Variants in RPL5 observed in about 807,000 individuals in gnomAD.
RPL5 encodes ribosomal protein L5.
RPL5 carries 1 observed loss-of-function variant against 38.4 expected under a neutral mutation model. That is an observed-to-expected ratio of 0.03 (90% CI 0.01 to 0.12). The LOEUF (loss-of-function observed/expected upper bound fraction) is 0.12, where lower values mean the gene tolerates loss of function less well. Among genes scored for constraint, RPL5 ranks in the 10% least tolerant of loss-of-function variants. The pLI is 1.00. For missense variants in RPL5, 243 were observed against 374.1 expected, an observed-to-expected ratio of 0.65 and a Z score of 2.89; for synonymous variants, 109 against 121.2, an observed-to-expected ratio of 0.90 and a Z score of 0.66.
intron 7 of RPL5, 29 bp from the exon 8 acceptor site, chr1:92,841,737 T>A: frequency 6.8e-7 from 1 of 1,480,786 alleles, no homozygotes; most frequent in Non-Finnish European, 9.4e-7. Flanking sequence ...AGTTATAGTT[T>A]AAAAAATATA....
In RPL5 at chr1:92,841,750, T is replaced by C. The variant is rs1687373593; in HGVS notation, c.795-16T>C. On this transcript the variant is annotated splice_polypyrimidine_tract_variant and intron_variant, in intron 7 of 7. Coordinates refer to ENST00000370321, the MANE Select transcript of RPL5 (RefSeq NM_000969.5). ...TCAGTTATAGTTTAAAAAATATATA[T>C]TCCTATCTTTTGTAGGTGGAACCGT... 2 of 1,559,970 alleles carry C rather than the reference T, an allele frequency of 1.3e-6. No homozygotes were observed. The highest frequency in any genetic ancestry group is 2.7e-5 in the African/African-American group (2 of 73,732).
chr1:92,834,716 AATT>A, intron 3 of RPL5, 60 bp from the exon 4 acceptor site: 1 of 1,599,082 alleles, frequency 6.3e-7, no homozygotes, highest in South Asian at 1.1e-5. Flanking sequence ...CTTGAAAAAT[AATT>A]AAGATGTAGT....
At chr1:92,832,650 A>AG (rs748843327) in intron 1 of RPL5, 10 of 317,716 alleles carry the variant, frequency 3.1e-5, no homozygotes, top group South Asian at 1.9e-4. Context: ...TTGGAGGCCG[A>AG]GGGGTCCCTG....
At chr1:92,834,532 C>T (rs1168020175) in intron 3 of RPL5, among the ~76,000 whole-genome samples, 1 of 152,148 alleles carries the variant, frequency 6.6e-6, no homozygotes, top group African/African-American at 2.4e-5. Flanking sequence ...GATAACTAAA[C>T]GTTAGGTTCC....
intron 1 of RPL5, chr1:92,832,630 T>C (rs1208345802): frequency 3.3e-6 from 1 of 304,584 alleles, no homozygotes; most frequent in African/African-American, 2.1e-5. Flanking sequence ...GCCAAAATTG[T>C]CAGTGGAGCT....
At chr1:92,832,389 A>T (rs1229070513) in intron 1 of RPL5, 3 of 601,270 alleles carry the variant, frequency 5.0e-6, no homozygotes, top group Non-Finnish European at 9.0e-6. Flanking sequence ...CTGAGTGCGG[A>T]TACTGCCGTC....
At chr1:92,835,185 A>G in intron 4 of RPL5, 1 of 513,994 alleles carries the variant, frequency 1.9e-6, no homozygotes. Context: ...TGAATTTGAA[A>G]ATCCACTTGT....
intron 3 of RPL5, chr1:92,834,084 A>G (rs1357104243): frequency 7.8e-6 from 2 of 258,044 alleles, no homozygotes; most frequent in South Asian, 4.7e-5. Flanking sequence ...TGACAGAGCA[A>G]GACACTGAAA....
intron 7 of RPL5, among the ~76,000 whole-genome samples, chr1:92,841,223 T>C (rs2100698802): frequency 6.6e-6 from 1 of 152,336 alleles, no homozygotes; most frequent in Non-Finnish European, 1.5e-5. Context: ...ACCATTCTGC[T>C]CTCTGCTTCT....
chr1:92,840,562 G>A lies in RPL5; in HGVS notation c.717G>A (p.Met239Ile). The stretch of plus-strand genomic sequence containing the variant: ...TTCCTTTGTTTCAGATGGAGGAGAT[G>A]TATAAGAAAGCTCATGCTGCTATAC... ...NSVTPDMMEE[M>I]YKKAHAAIRE... Residue 239 changes from methionine to isoleucine, a missense_variant, in exon 7 of 8, where the codon ATG becomes ATA. Coordinates refer to ENST00000370321, the MANE Select transcript of RPL5 (RefSeq NM_000969.5). The A allele has an allele frequency of 6.2e-7, 1 of 1,612,732 alleles. No homozygotes were observed. Among genetic ancestry groups the A allele is most frequent in the South Asian group, 1.1e-5 (1 of 91,048 alleles).
chr1:92,832,079 C>CT lies in RPL5; in HGVS notation c.-35dup. 1 of 1,613,846 alleles carries CT rather than the reference C, an allele frequency of 6.2e-7. No homozygotes were observed. The highest frequency in any genetic ancestry group is 1.3e-5 in the African/African-American group (1 of 75,076). On this transcript the variant is annotated 5_prime_UTR_variant, in exon 1 of 8. Coordinates refer to ENST00000370321, the MANE Select transcript of RPL5 (RefSeq NM_000969.5). ...CTAGCGCCGCTGGGCCTGCAGGTCTCTGTCGAGCAGCGGACGCCGGTCTCT... is the reference window on the plus strand; with the variant it reads ...CTAGCGCCGCTGGGCCTGCAGGTCTCTTGTCGAGCAGCGGACGCCGGTCTCT...
rs914410059 is a variant in RPL5 at position 92,840,026 on chromosome 1, T to A, written c.706-525T>A. 3.9e-4 allele frequency among the ~76,000 whole-genome samples: 59 copies of A among 150,296 alleles called. No homozygotes were observed. In the East Asian group the frequency reaches 4.1e-3, roughly 10 times the overall value. On this transcript the variant is annotated intron_variant, in intron 6 of 7. Coordinates refer to ENST00000370321, the MANE Select transcript of RPL5 (RefSeq NM_000969.5). ...CCTGCTAATTTTTTTTTTTTTTTTT[T>A]AATTTTTGGTAGAGATGAGGTCTCA...
At position 92,837,512 on chromosome 1, in the gene RPL5, A is replaced by G. The variant is rs1687175998; in HGVS notation, c.584A>G (p.His195Arg). ...AGCAAGGAATTTAATGCAGAAGTACATCGGAAGCACATCATGGGCCAGAAT... is the reference window on the plus strand; with the variant it reads ...AGCAAGGAATTTAATGCAGAAGTACGTCGGAAGCACATCATGGGCCAGAAT... ...SESKEFNAEV[H>R]RKHIMGQNVA... Residue 195 changes from histidine (H) to arginine (R), a missense_variant, in exon 6 of 8, where the codon CAT becomes CGT. Physicochemically the swap from His to Arg is conservative, Grantham distance 29. Transcript: ENST00000370321. 7.4e-6 allele frequency: 12 copies of G among 1,612,532 alleles called. No individual in the cohort carries two copies. Among genetic ancestry groups the G allele is most frequent in the Non-Finnish European group, 1.0e-5 (12 of 1,179,936 alleles).
chr1:92,839,755 G>A (rs1468075615), intron 6 of RPL5, among the ~76,000 whole-genome samples: 5 of 152,120 alleles, frequency 3.3e-5, no homozygotes, highest in Admixed American at 3.3e-4. Flanking sequence ...CGCAATATTT[G>A]TTTCTGCAGA....
intron 1 of RPL5, 54 bp from the exon 2 acceptor site, chr1:92,833,335 A>T: frequency 7.1e-7 from 1 of 1,401,462 alleles, no homozygotes. Context: ...ATTTATGTCA[A>T]AAGTATCATA....
chr1:92,835,660 C>A (rs866181682), intron 4 of RPL5, among the ~76,000 whole-genome samples: 679 of 123,242 alleles, frequency 5.5e-3, no homozygotes, highest in Non-Finnish European at 6.1e-3. Context: ...AACTGTGTCT[C>A]AAAAAAAAAA....
intron 6 of RPL5, 125 bp downstream of exon 6, chr1:92,837,758 A>G (rs958040072): frequency 1.8e-5 from 14 of 773,648 alleles, no homozygotes; most frequent in East Asian, 1.3e-4. Flanking sequence ...AGACTTGTCA[A>G]CATTCTTTTA....
chr1:92,839,637 A>G (rs778018237), intron 6 of RPL5, among the ~76,000 whole-genome samples: 7 of 152,204 alleles, frequency 4.6e-5, no homozygotes, highest in Non-Finnish European at 1.0e-4. Context: ...AAGCTATGTC[A>G]GTGTTGTGAC....
rs183646358 is a variant in RPL5, at chr1:92,836,673, T to C, written c.527+281T>C. ...CCTTTTGCATATGACTTAATTCTTA[T>C]TAGAAATGAGCAACTCCATCCTCTT... On this transcript the variant is annotated intron_variant, in intron 5 of 7. Transcript: ENST00000370321. 3.7e-5 allele frequency: 15 copies of C among 402,662 alleles called. No homozygotes were observed. The Admixed American group carries it at 4.6e-4, about 12-fold the overall frequency. 24.9% of individuals were successfully genotyped at this position (402,662 alleles called of 1,614,324 possible). A position where few individuals can be genotyped will look rare whatever the true frequency, so the allele number is the denominator to read the frequency against.
Sources: gnomAD v4.1 joint callset for allele counts (sites outside exome capture counted in the v4.1 genomes callset) on GRCh38, gnomAD v4.1.1 for gene constraint, MANE v1.5 for transcripts, NCBI Gene and HGNC (gene_info 2026-07-23, HGNC 2026-07-21) for gene names.